Variants in CNTN4 observed in about 807,000 individuals in gnomAD.
CNTN4 encodes contactin 4.
In CNTN4, 77 loss-of-function variants were observed where a neutral mutation model predicts 122.5. The observed-to-expected ratio is 0.63, with a 90% CI of 0.52 to 0.76. The LOEUF (loss-of-function observed/expected upper bound fraction) is 0.76. Among genes scored for constraint, CNTN4 ranks in the 30% least tolerant of loss-of-function variants. The probability of loss-of-function intolerance (pLI) is 0.00; values close to 1 mark genes in which losing one functional copy is unlikely to be tolerated. For synonymous variants in CNTN4, 512 were observed against 447.0 expected (o/e 1.15, Z -1.83); for missense variants, 1,256 against 1,259.1 (o/e 1.00, Z 0.04).
At chr3:2,849,713 C>T (rs1577047295) in intron 7 of CNTN4, among the ~76,000 whole-genome samples, 2 of 152,156 alleles carry the variant, frequency 1.3e-5, no homozygotes, top group African/African-American at 2.4e-5. Flanking sequence ...TAGGAATGCA[C>T]GTGATATATG....
chr3:3,050,270 TA>T (rs1415045708), intron 23 of CNTN4, among the ~76,000 whole-genome samples: 1 of 151,840 alleles, frequency 6.6e-6, no homozygotes, highest in Non-Finnish European at 1.5e-5. Context: ...TCTCGGTTTT[TA>T]AATGTTCATG....
rs973030595 is a variant in CNTN4 at position 2,900,893 on chromosome 3, C to T, written c.1077+72C>T. ...TAATATAGCCTCATTGCCGTGGAAA[C>T]GGGAGAATGGTGAATTGTTTCTAAA... is the stretch of plus-strand genomic sequence containing the variant. On this transcript the variant is annotated intron_variant, in intron 11 of 24. Coordinates refer to ENST00000418658, the MANE Select transcript of CNTN4 (RefSeq NM_175607.3). 2.1e-5 allele frequency: 33 copies of T among 1,556,760 alleles called. 1 individual carries two copies. The highest frequency in any genetic ancestry group is 1.3e-4 in the South Asian group (12 of 89,532).
At chr3:2,301,025 C>G (rs1211060369) in intron 2 of CNTN4, among the ~76,000 whole-genome samples, 1 of 152,132 alleles carries the variant, frequency 6.6e-6, no homozygotes, top group African/African-American at 2.4e-5. Flanking sequence ...TGTTATTACT[C>G]TTTAAATCCG....
At chr3:2,762,937 CTTTT>C (rs529635016) in intron 6 of CNTN4, among the ~76,000 whole-genome samples, 95 of 96,448 alleles carry the variant, frequency 9.8e-4, no homozygotes, top group Middle Eastern at 7.2e-3. Flanking sequence ...TGATGTCAAG[CTTTT>C]TTTTTTTTTT....
chr3:2,610,400 C>A (rs377732318), intron 4 of CNTN4, among the ~76,000 whole-genome samples: 19 of 152,248 alleles, frequency 1.2e-4, no homozygotes, highest in African/African-American at 4.6e-4. Flanking sequence ...ATTGCTTTTG[C>A]TTCATGTGAT....
chr3:3,039,011 A>G lies in CNTN4; in HGVS notation c.2163+8A>G. The stretch of plus-strand genomic sequence containing the variant: ...CTGGTTATAACCTGGGAGGTAAATG[A>G]ATCACAGAATAAAAGGAACGTACAC... On this transcript the variant is annotated splice_region_variant and intron_variant, in intron 19 of 24. Transcript: ENST00000418658. 6.2e-7 allele frequency: 1 copy of G among 1,609,674 alleles called. No individual in the cohort carries two copies. The highest frequency in any genetic ancestry group is 1.1e-5 in the South Asian group (1 of 91,002).
At chr3:2,272,853 T>C (rs1427741123) in intron 2 of CNTN4, among the ~76,000 whole-genome samples, 3 of 151,848 alleles carry the variant, frequency 2.0e-5, no homozygotes, top group Non-Finnish European at 4.4e-5. Context: ...GGACATGAGG[T>C]GGTGATTGGA....
chr3:2,833,426 T>G (rs1028197692), intron 7 of CNTN4, among the ~76,000 whole-genome samples: 1 of 150,236 alleles, frequency 6.7e-6, no homozygotes, highest in East Asian at 2.0e-4. Flanking sequence ...ATATAAAAAT[T>G]AGGTAGTAAA....
intron 3 of CNTN4, among the ~76,000 whole-genome samples, chr3:2,416,713 G>C (rs528355080): frequency 2.0e-5 from 3 of 151,942 alleles, no homozygotes; most frequent in Non-Finnish European, 4.4e-5. Flanking sequence ...GAGTGCAGTG[G>C]TGTGATCTCA....
chr3:2,236,242 G>A (rs1161146656), intron 2 of CNTN4, among the ~76,000 whole-genome samples: 1 of 152,166 alleles, frequency 6.6e-6, no homozygotes, highest in South Asian at 2.1e-4. Context: ...CAGGAAGTAC[G>A]TAGGAGCTGA....
Position 2,190,972 on chromosome 3 carries a change from C to T in CNTN4, c.-145+90333C>T, listed in dbSNP as rs570334875. Among the ~76,000 whole-genome samples the T allele has an allele frequency of 1.5e-3, 232 of 152,176 alleles. 1 individual carries two copies. The highest frequency in any genetic ancestry group is 5.4e-3 in the African/African-American group (225 of 41,522). Reference sequence around the variant, plus strand: ...CTGAAGTTCTTGACTTTCACCTCACCAGTTCAAGACCCTTGAAAGTCTTGA... The same window carrying T: ...CTGAAGTTCTTGACTTTCACCTCACTAGTTCAAGACCCTTGAAAGTCTTGA... On this transcript the variant is annotated intron_variant, in intron 2 of 24. Coordinates refer to ENST00000418658, the MANE Select transcript of CNTN4 (RefSeq NM_175607.3).
At chr3:2,999,397 G>T (rs1310028015) in intron 14 of CNTN4, among the ~76,000 whole-genome samples, 1 of 152,194 alleles carries the variant, frequency 6.6e-6, no homozygotes, top group Non-Finnish European at 1.5e-5. Flanking sequence ...GAAAGTGTTG[G>T]TTTGGGGATT....
In CNTN4 at chr3:2,716,325, G is replaced by T. The variant is rs146208360; in HGVS notation, c.56-19890G>T. ...CATATATCATTATTGTATATTATAT[G>T]ATATATCTAATATTATTATATTATT... On this transcript the variant is annotated intron_variant, in intron 4 of 24. Coordinates refer to ENST00000418658, the MANE Select transcript of CNTN4 (RefSeq NM_175607.3). Among the ~76,000 whole-genome samples, 491 of 150,964 alleles carry T rather than the reference G, an allele frequency of 3.3e-3. 4 individuals carry two copies. Among genetic ancestry groups the T allele is most frequent in the African/African-American group, 0.012 (477 of 41,252 alleles).
At position 2,310,950 on chromosome 3, in the gene CNTN4, T is replaced by C. The variant is rs114024379; in HGVS notation, c.-144-28228T>C. On this transcript the variant is annotated intron_variant, in intron 2 of 24. Transcript: ENST00000418658. ...TAGATGTGTTTTGAAAATTTCACATTTGATTTATAAACAAAAAGACTCCCT... is the reference window on the plus strand; with the variant it reads ...TAGATGTGTTTTGAAAATTTCACATCTGATTTATAAACAAAAAGACTCCCT... 6.4e-3 allele frequency among the ~76,000 whole-genome samples: 971 copies of C among 152,248 alleles called. 8 individuals are homozygous for C. The highest frequency in any genetic ancestry group is 0.024 in the Middle Eastern group (7 of 294).
At chr3:2,401,053 T>G (rs1044310094) in intron 3 of CNTN4, among the ~76,000 whole-genome samples, 3 of 152,126 alleles carry the variant, frequency 2.0e-5, no homozygotes, top group Admixed American at 1.3e-4. Flanking sequence ...CTTTCAGGTA[T>G]GTATACCAGA....
rs1039100441 is a variant in CNTN4, at chr3:2,799,608, G to A, written c.359-19878G>A. On this transcript the variant is annotated intron_variant, in intron 6 of 24. Transcript: ENST00000418658. ...CTCCCAAGCAGCTGGGACTACAGGC[G>A]CCTGCCACCATGCCCGGCTAATTTT... is the stretch of plus-strand genomic sequence containing the variant. Among the ~76,000 whole-genome samples, 3 of 152,122 alleles carry A rather than the reference G, an allele frequency of 2.0e-5. No individual in the cohort carries two copies. The East Asian group carries it at 5.8e-4, about 30-fold the overall frequency.
At chr3:2,589,993 A>G (rs1469456094) in intron 4 of CNTN4, among the ~76,000 whole-genome samples, 1 of 152,212 alleles carries the variant, frequency 6.6e-6, no homozygotes, top group Non-Finnish European at 1.5e-5. Context: ...ACTCAAGGGA[A>G]GGGAAATAAG....
chr3:2,534,046 G>T (rs201321676), intron 3 of CNTN4, among the ~76,000 whole-genome samples: 15 of 151,656 alleles, frequency 9.9e-5, no homozygotes, highest in African/African-American at 2.7e-4. Context: ...TTTCTCCCAT[G>T]CTGTAGGTTG....
intron 5 of CNTN4, among the ~76,000 whole-genome samples, chr3:2,744,611 C>T (rs1196321039): frequency 6.6e-6 from 1 of 152,146 alleles, no homozygotes; most frequent in East Asian, 1.9e-4. Context: ...GTAAACGAAT[C>T]GGATAGTGAC....
Sources: allele counts gnomAD v4.1 joint callset (sites outside exome capture counted in the v4.1 genomes callset), GRCh38; gene constraint gnomAD v4.1.1; transcripts MANE v1.5; gene names NCBI Gene and HGNC (gene_info 2026-07-23, HGNC 2026-07-21).